EPB41L2: variants seen among roughly 807,000 people sequenced by gnomAD.
The protein encoded by EPB41L2 is erythrocyte membrane protein band 4.1 like 2, also known as band 4.1-like protein 2.
EPB41L2 carries 43 observed loss-of-function variants against 113.0 expected under a neutral mutation model. The observed-to-expected ratio is 0.38, with a 90% CI of 0.30 to 0.49. The LOEUF (loss-of-function observed/expected upper bound fraction) is 0.49. Ranked by LOEUF, EPB41L2 falls within the 20% of genes least tolerant of loss-of-function variation. EPB41L2 has a pLI of 0.95. For synonymous variants in EPB41L2, 442 were observed against 436.7 expected, an observed-to-expected ratio of 1.01 and a Z score of -0.15; for missense variants, 1,147 against 1,223.4, an observed-to-expected ratio of 0.94 and a Z score of 0.93.
chr6:130,941,342 G>A (rs2128586904), intron 3 of EPB41L2, among the ~76,000 whole-genome samples: 1 of 152,290 alleles, frequency 6.6e-6, no homozygotes, highest in African/African-American at 2.4e-5. Context: ...TCTTTTAAAA[G>A]ACGGAGAATT....
At chr6:130,931,439 T>A (rs984006007) in intron 3 of EPB41L2, among the ~76,000 whole-genome samples, 5 of 152,142 alleles carry the variant, frequency 3.3e-5, no homozygotes, top group African/African-American at 7.2e-5. Flanking sequence ...CTAAAACAGA[T>A]GTGCTTTGGA....
chr6:130,987,695 A>AAATG (rs3031721), intron 1 of EPB41L2, among the ~76,000 whole-genome samples: 2,064 of 148,300 alleles, frequency 0.014, 9 homozygotes, highest in East Asian at 0.026. Flanking sequence ...TCTGTCTCAT[A>AAATG]AATGAATGAA....
chr6:131,059,406 G>A (rs1339982676), intron 1 of EPB41L2, among the ~76,000 whole-genome samples: 3 of 152,186 alleles, frequency 2.0e-5, no homozygotes, highest in Non-Finnish European at 2.9e-5. Context: ...GAGCCATCGC[G>A]CCCAGCTATA....
chr6:130,842,127 C>T (rs1775707430), intron 19 of EPB41L2, among the ~76,000 whole-genome samples: 1 of 152,100 alleles, frequency 6.6e-6, no homozygotes, highest in Non-Finnish European at 1.5e-5. Flanking sequence ...AAAATTAAGT[C>T]TTGCTTTAAT....
intron 3 of EPB41L2, among the ~76,000 whole-genome samples, chr6:130,929,857 T>TCA (rs140350248): frequency 0.05 from 6,223 of 123,358 alleles, 236 homozygotes; most frequent in Middle Eastern, 0.091. Flanking sequence ...AGACAGACAG[T>TCA]CACACACACA....
intron 3 of EPB41L2, among the ~76,000 whole-genome samples, chr6:130,938,441 G>C (rs779476065): frequency 1.3e-5 from 2 of 151,918 alleles, no homozygotes; most frequent in Non-Finnish European, 2.9e-5. Flanking sequence ...CTGGCTGGGT[G>C]AATCTTTAAG....
chr6:130,879,172 G>A (rs1788493774), intron 13 of EPB41L2, among the ~76,000 whole-genome samples: 1 of 152,154 alleles, frequency 6.6e-6, no homozygotes, highest in African/African-American at 2.4e-5. Flanking sequence ...TAAGGAACAG[G>A]TCATGCAACC....
At chr6:130,927,170 T>C (rs976816094) in intron 3 of EPB41L2, among the ~76,000 whole-genome samples, 7 of 152,164 alleles carry the variant, frequency 4.6e-5, no homozygotes, top group Admixed American at 2.0e-4. Context: ...TTCCATGATA[T>C]CTGTAGAATA....
At chr6:130,912,500 C>G (rs556613105) in intron 4 of EPB41L2, among the ~76,000 whole-genome samples, 5 of 152,294 alleles carry the variant, frequency 3.3e-5, no homozygotes, top group Admixed American at 2.0e-4. Context: ...TGTTCTAACA[C>G]TGGTTATATT....
At chr6:130,988,156 G>A (rs1415493978) in intron 1 of EPB41L2, among the ~76,000 whole-genome samples, 1 of 152,100 alleles carries the variant, frequency 6.6e-6, no homozygotes, top group Non-Finnish European at 1.5e-5. Context: ...GGAAGTACCA[G>A]TCAAAATAAC....
intron 4 of EPB41L2, among the ~76,000 whole-genome samples, chr6:130,911,873 C>T (rs1056084621): frequency 3.3e-5 from 5 of 150,868 alleles, no homozygotes; most frequent in Non-Finnish European, 7.4e-5. Context: ...TCATTCTAAG[C>T]AGTGTCCAAA....
At chr6:131,019,366 AAAG>A (rs1367159242) in intron 1 of EPB41L2, among the ~76,000 whole-genome samples, 2 of 152,186 alleles carry the variant, frequency 1.3e-5, no homozygotes, top group East Asian at 3.8e-4. Context: ...TATAAACTGC[AAAG>A]AATAATTTTG....
chr6:130,956,829 GAT>G (rs1209649774), intron 1 of EPB41L2, among the ~76,000 whole-genome samples: 1 of 152,110 alleles, frequency 6.6e-6, no homozygotes, highest in Non-Finnish European at 1.5e-5. Flanking sequence ...AACAATAATT[GAT>G]ATCTAAAATC....
chr6:130,917,679 G>A (rs778850092), intron 4 of EPB41L2, among the ~76,000 whole-genome samples: 5 of 151,848 alleles, frequency 3.3e-5, no homozygotes, highest in African/African-American at 1.2e-4. Context: ...CACTGCAAAG[G>A]TCCTTATACC....
intron 19 of EPB41L2, among the ~76,000 whole-genome samples, chr6:130,843,757 C>A (rs1002289058): frequency 6.6e-6 from 1 of 152,126 alleles, no homozygotes; most frequent in Admixed American, 6.5e-5. Context: ...CCTCTTTTGG[C>A]CAATGTGAGA....
intron 1 of EPB41L2, among the ~76,000 whole-genome samples, chr6:130,967,528 T>TA (rs1012855962): frequency 1.3e-5 from 2 of 152,158 alleles, no homozygotes; most frequent in African/African-American, 4.8e-5. Context: ...CACTTGGAAA[T>TA]AGAGTTCTCT....
chr6:130,932,470 C>A (rs562926487), intron 3 of EPB41L2, among the ~76,000 whole-genome samples: 1 of 152,140 alleles, frequency 6.6e-6, no homozygotes, highest in Non-Finnish European at 1.5e-5. Context: ...GTTGTCACAG[C>A]AATTTTGGGG....
intron 3 of EPB41L2, among the ~76,000 whole-genome samples, chr6:130,941,687 A>C (rs1203429690): frequency 9.9e-5 from 15 of 152,232 alleles, no homozygotes; most frequent in Admixed American, 7.9e-4. Context: ...GGTAACACTC[A>C]GATTAAGTTT....
intron 1 of EPB41L2, 22 bp from the exon 2 acceptor site, chr6:130,956,521 T>C (rs912898429): frequency 1.3e-6 from 2 of 1,561,268 alleles, no homozygotes; most frequent in African/African-American, 1.4e-5. Flanking sequence ...ACAAAAATCA[T>C]AAAATGTCAT....
Sources: allele counts gnomAD v4.1 joint callset (sites outside exome capture counted in the v4.1 genomes callset), GRCh38; gene constraint gnomAD v4.1.1; transcripts MANE v1.5; gene names NCBI Gene and HGNC (gene_info 2026-07-23, HGNC 2026-07-21).